PHLDB2: variants seen among roughly 807,000 people sequenced by gnomAD.
PHLDB2 encodes pleckstrin homology-like domain family B member 2.
A neutral mutation model predicts 123.6 loss-of-function variants in PHLDB2; 71 were observed. The observed-to-expected ratio is 0.57, with a 90% CI of 0.47 to 0.70. The LOEUF (loss-of-function observed/expected upper bound fraction) is 0.70. Among genes scored for constraint, PHLDB2 ranks in the 30% least tolerant of loss-of-function variants. The pLI is 0.00. For missense variants in PHLDB2, 1,446 were observed against 1,519.5 expected (o/e 0.95, Z 0.80); for synonymous variants, 547 against 541.6 (o/e 1.01, Z -0.14).
intron 1 of PHLDB2, among the ~76,000 whole-genome samples, chr3:111,832,182 A>T (rs1279078557): frequency 6.6e-6 from 1 of 151,006 alleles, no homozygotes; most frequent in Non-Finnish European, 1.5e-5. Flanking sequence ...ACCACAATCC[A>T]ACCCTTTGGT....
At chr3:111,962,581 A>G (rs2071470631) in intron 13 of PHLDB2, among the ~76,000 whole-genome samples, 1 of 152,278 alleles carries the variant, frequency 6.6e-6, no homozygotes, top group South Asian at 2.1e-4. Flanking sequence ...CTGTGCTTTA[A>G]AATTGATTTC....
At chr3:111,762,451 G>C (rs2108016770) in intron 1 of PHLDB2, among the ~76,000 whole-genome samples, 1 of 152,268 alleles carries the variant, frequency 6.6e-6, no homozygotes, top group South Asian at 2.1e-4. Context: ...GGAAACTAAG[G>C]CACAGAAGGG....
At chr3:111,777,241 C>G (rs950697380) in intron 1 of PHLDB2, among the ~76,000 whole-genome samples, 1 of 151,986 alleles carries the variant, frequency 6.6e-6, no homozygotes, top group Non-Finnish European at 1.5e-5. Flanking sequence ...AAACAGATTA[C>G]TAGTTTTTAC....
chr3:111,788,288 A>G (rs1310812497), intron 1 of PHLDB2, among the ~76,000 whole-genome samples: 1 of 152,216 alleles, frequency 6.6e-6, no homozygotes, highest in Non-Finnish European at 1.5e-5. Flanking sequence ...CCATGGGGTT[A>G]TATCTGGATG....
At chr3:111,840,862 G>A (rs1016240409) in intron 1 of PHLDB2, among the ~76,000 whole-genome samples, 1 of 152,140 alleles carries the variant, frequency 6.6e-6, no homozygotes, top group Non-Finnish European at 1.5e-5. Flanking sequence ...TTATTAAAAA[G>A]AACTACTTTT....
chr3:111,798,990 A>T (rs1435173453), intron 1 of PHLDB2, among the ~76,000 whole-genome samples: 1 of 152,220 alleles, frequency 6.6e-6, no homozygotes, highest in African/African-American at 2.4e-5. Context: ...GAAACTTACA[A>T]TCATGGCAGA....
intron 1 of PHLDB2, among the ~76,000 whole-genome samples, chr3:111,775,083 C>A (rs2060244816): frequency 6.6e-6 from 1 of 152,124 alleles, no homozygotes; most frequent in African/African-American, 2.4e-5. Flanking sequence ...TCATAGCTAT[C>A]AATCAGTGAA....
intron 1 of PHLDB2, among the ~76,000 whole-genome samples, chr3:111,782,918 A>G (rs1400592168): frequency 2.0e-5 from 3 of 152,090 alleles, no homozygotes; most frequent in African/African-American, 7.2e-5. Context: ...TATACATTTT[A>G]TATTATTGCA....
chr3:111,803,634 G>T (rs1212845709), intron 1 of PHLDB2, among the ~76,000 whole-genome samples: 2 of 152,144 alleles, frequency 1.3e-5, no homozygotes, highest in Non-Finnish European at 1.5e-5. Flanking sequence ...GAAATCATGG[G>T]CTTTGAAATC....
chr3:111,831,310 G>A lies in PHLDB2; in HGVS notation c.-48-14511G>A, dbSNP rs903328787. On this transcript the variant is annotated intron_variant, in intron 1 of 17. Transcript: ENST00000393923. ...AAAGGATTTCGAAAGAGACTTTCAC[G>A]TATTAAAAAAATTCATCATTGGGCT... 5.3e-5 allele frequency among the ~76,000 whole-genome samples: 8 copies of A among 152,154 alleles called. 1 individual carries two copies. In the East Asian group the frequency reaches 1.2e-3, roughly 22 times the overall value.
At chr3:111,803,672 A>G (rs184594671) in intron 1 of PHLDB2, among the ~76,000 whole-genome samples, 4 of 152,318 alleles carry the variant, frequency 2.6e-5, no homozygotes, top group Admixed American at 2.0e-4. Context: ...TACATTCACT[A>G]ATTACACTCA....
intron 5 of PHLDB2, among the ~76,000 whole-genome samples, chr3:111,925,521 C>T (rs1327721255): frequency 6.6e-6 from 1 of 152,202 alleles, no homozygotes. Context: ...CTAACTCAGA[C>T]ATAAATCTGG....
intron 1 of PHLDB2, among the ~76,000 whole-genome samples, chr3:111,792,527 G>A (rs914869405): frequency 2.6e-5 from 4 of 152,002 alleles, no homozygotes; most frequent in African/African-American, 7.3e-5. Context: ...GCAACATAAG[G>A]AGACCTCCAT....
intron 2 of PHLDB2, among the ~76,000 whole-genome samples, chr3:111,849,350 T>G (rs1222012442): frequency 1.3e-5 from 2 of 152,054 alleles, no homozygotes; most frequent in Admixed American, 6.6e-5. Context: ...GAAAAAAATT[T>G]TTTAGAGAAG....
Position 111,839,940 on chromosome 3 carries a change from C to CTTTTTTTTTTTTTTTT in PHLDB2, c.-48-5872_-48-5857dup, listed in dbSNP as rs3082317. The stretch of plus-strand genomic sequence containing the variant: ...TTTGTTTAAAAGCCCCCCACCCCCG[C>CTTTTTTTTTTTTTTTT]TTTTTTTTTTTTTTTTTTTTTTTTG... On this transcript the variant is annotated intron_variant, in intron 1 of 17. Transcript: ENST00000393923. Among the ~76,000 whole-genome samples, 13 of 64,946 alleles carry CTTTTTTTTTTTTTTTT rather than the reference C, an allele frequency of 2.0e-4. 1 individual carries two copies. The highest frequency in any genetic ancestry group is 2.6e-4 in the African/African-American group (4 of 15,170). 42.6% of individuals were successfully genotyped at this position (64,946 alleles called of 152,430 possible). A position where few individuals can be genotyped will look rare whatever the true frequency, so the allele number is the denominator to read the frequency against.
intron 3 of PHLDB2, chr3:111,913,904 G>A: frequency 1.6e-6 from 1 of 637,472 alleles, no homozygotes; most frequent in East Asian, 2.8e-5. Context: ...AAAAATTGTA[G>A]CAGCACAGAA....
intron 1 of PHLDB2, among the ~76,000 whole-genome samples, chr3:111,760,012 A>G (rs899271975): frequency 4.6e-5 from 7 of 152,350 alleles, no homozygotes; most frequent in East Asian, 1.9e-4. Flanking sequence ...ATGCCTCTGT[A>G]TTGGATTCAG....
chr3:111,799,353 G>A (rs1409942517), intron 1 of PHLDB2, among the ~76,000 whole-genome samples: 3 of 152,190 alleles, frequency 2.0e-5, no homozygotes, highest in Non-Finnish European at 4.4e-5. Flanking sequence ...ACAGACTGCT[G>A]TAAATAAAAG....
chr3:111,881,616 A>T (rs563259149), intron 1 of PHLDB2, among the ~76,000 whole-genome samples: 1 of 152,130 alleles, frequency 6.6e-6, no homozygotes, highest in Non-Finnish European at 1.5e-5. Context: ...ATATAATATC[A>T]TATTTTTATG....
Sources: allele counts gnomAD v4.1 joint callset (sites outside exome capture counted in the v4.1 genomes callset), GRCh38; gene constraint gnomAD v4.1.1; transcripts MANE v1.5; gene names NCBI Gene and HGNC (gene_info 2026-07-23, HGNC 2026-07-21).